Variants in CRAMP1 observed in about 807,000 individuals in gnomAD.
CRAMP1 encodes the protein protein cramped-like.
Under a neutral mutation model 115.4 loss-of-function variants are expected in CRAMP1, and 50 were observed. The ratio of observed to expected loss-of-function variants is 0.43; its 90% CI spans 0.35 to 0.55. The LOEUF (loss-of-function observed/expected upper bound fraction) is 0.55, where lower values mean the gene tolerates loss of function less well. Among genes scored for constraint, CRAMP1 ranks in the 20% least tolerant of loss-of-function variants. The probability of loss-of-function intolerance (pLI) is 0.01; values close to 1 mark genes in which losing one functional copy is unlikely to be tolerated. For missense variants in CRAMP1, 1,679 were observed against 1,721.7 expected, an observed-to-expected ratio of 0.98 and a Z score of 0.44; for synonymous variants, 866 against 745.4, an observed-to-expected ratio of 1.16 and a Z score of -2.64.
Position 1,656,074 on chromosome 16 carries a change from C to T in CRAMP1, c.1317C>T (p.Ala439=), listed in dbSNP as rs768441130. ...GGTGCAAGCAGAGTGCCAAGGACGC[C>T]CACGTGCTGCCCCCAGCCCAGATCC... ...GGRCKQSAKD[A]HVLPPAQILG... Residue 439 remains alanine (A), a synonymous_variant, in exon 10 of 21, where the codon GCC becomes GCT. Transcript: ENST00000397412. This position sits in a 1 kb window ranked among gnomAD's most constrained non-coding sequence, Gnocchi z 5.6. 1.2e-6 allele frequency: 2 copies of T among 1,610,258 alleles called. No individual in the cohort carries two copies. The highest frequency in any genetic ancestry group is 1.7e-6 in the Non-Finnish European group (2 of 1,178,950).
chr16:1,667,837 G>T, intron 17 of CRAMP1, 125 bp from the exon 18 acceptor site: 1 of 635,812 alleles, frequency 1.6e-6, no homozygotes. Flanking sequence ...GGAAGGATGA[G>T]GTGACTGCAG....
chr16:1,673,151 C>T (rs1158770174), intron 20 of CRAMP1, among the ~76,000 whole-genome samples: 2 of 151,732 alleles, frequency 1.3e-5, no homozygotes, highest in African/African-American at 4.9e-5. Context: ...CCCAGCTGTC[C>T]TCATGTCTAT....
chr16:1,649,058 A>T (rs1021118672), intron 6 of CRAMP1, among the ~76,000 whole-genome samples: 1 of 109,982 alleles, frequency 9.1e-6, no homozygotes. Flanking sequence ...GACTCCATCT[A>T]AAAAAAAAAA....
Position 1,614,513 on chromosome 16 carries a change from G to A in CRAMP1, c.-1-126G>A. The A allele has an allele frequency of 2.4e-6, 1 of 419,396 alleles. No homozygotes were observed. The highest frequency in any genetic ancestry group is 3.5e-6 in the Non-Finnish European group (1 of 289,198). 26.0% of individuals were successfully genotyped at this position (419,396 alleles called of 1,614,324 possible). ...GGCGGGCTCGGGCGGGCTCGGGCGG[G>A]CCGGGCCGAGCCGCCGAGAGGGGAT... On this transcript the variant is annotated intron_variant, in intron 1 of 20. Transcript: ENST00000397412. This position sits in a 1 kb window ranked among gnomAD's most constrained non-coding sequence, Gnocchi z 4.4.
chr16:1,656,699 G>A lies in CRAMP1; in HGVS notation c.1942G>A (p.Gly648Arg), dbSNP rs1297777209. The A allele has an allele frequency of 5.1e-6, 8 of 1,558,592 alleles. No individual in the cohort carries two copies. The highest frequency in any genetic ancestry group is 6.1e-6 in the Non-Finnish European group (7 of 1,152,296). ...GCTCCAGGAGAAGGGGAGCCCCGCG[G>A]GGCCTCCGCCGTCTCAGGGACAGCC... ...EELQEKGSPAGPPPSQGQPAA... is the reference protein window; with the variant it reads ...EELQEKGSPARPPPSQGQPAA... The change falls in exon 10 of 21, where the codon GGG becomes AGG. Residue 648 changes from glycine (G) to arginine (R), a missense_variant. Gly to Arg is a moderately radical substitution (Grantham distance 125). Around this residue, in one of 8 missense-constraint regions of CRAMP1, gnomAD observed 405 missense variants for 302.6 expected, o/e 1.34. Transcript: ENST00000397412. The surrounding 1 kb of genome is among the most constrained non-coding windows in gnomAD (Gnocchi z 5.6).
intron 6 of CRAMP1, among the ~76,000 whole-genome samples, chr16:1,644,174 A>G (rs772089249): frequency 1.3e-5 from 2 of 152,156 alleles, no homozygotes; most frequent in Non-Finnish European, 2.9e-5. Flanking sequence ...AGCCTGCGCT[A>G]AGGGACTTGG....
At position 1,666,170 on chromosome 16, in the gene CRAMP1, C is replaced by T. The variant is rs1407236917; in HGVS notation, c.2850C>T (p.His950=). 6.2e-7 allele frequency: 1 copy of T among 1,602,780 alleles called. No homozygotes were observed. The highest frequency in any genetic ancestry group is 8.5e-7 in the Non-Finnish European group (1 of 1,173,944). Residue 950 remains histidine, a synonymous_variant, in exon 15 of 21, where the codon CAC becomes CAT. Transcript: ENST00000397412. This position sits in a 1 kb window ranked among gnomAD's most constrained non-coding sequence, Gnocchi z 5.0. ...TCCTTCCACCCCAGGCCACGAGTCA[C>T]CTGGCCAGTAAGTCTGTACCTGCAT... ...PKVLPPQATS[H]LASAIDLAAT... is the part of the protein sequence containing the mutation.
At chr16:1,649,966 G>C (rs1398169608) in intron 6 of CRAMP1, among the ~76,000 whole-genome samples, 2 of 151,558 alleles carry the variant, frequency 1.3e-5, no homozygotes, top group African/African-American at 4.9e-5. Flanking sequence ...GCTAATTTTT[G>C]TATTTTTTGT....
At chr16:1,633,118 G>A (rs534896709) in intron 4 of CRAMP1, among the ~76,000 whole-genome samples, 49 of 152,180 alleles carry the variant, frequency 3.2e-4, no homozygotes, top group Non-Finnish European at 5.4e-4. Flanking sequence ...TCTGACCCAG[G>A]GTACCTGGAC....
intron 2 of CRAMP1, among the ~76,000 whole-genome samples, chr16:1,616,818 C>T (rs1298451321): frequency 1.4e-5 from 2 of 144,898 alleles, no homozygotes; most frequent in Non-Finnish European, 3.0e-5. Flanking sequence ...GCAAATATAT[C>T]TTTTTTTTTT....
intron 6 of CRAMP1, among the ~76,000 whole-genome samples, chr16:1,643,742 C>T (rs1341118021): frequency 3.9e-5 from 6 of 152,238 alleles, no homozygotes; most frequent in Non-Finnish European, 7.3e-5. Flanking sequence ...CATTTACAGT[C>T]ATGCCATCTG....
chr16:1,642,175 C>G (rs1481118599), intron 6 of CRAMP1, among the ~76,000 whole-genome samples: 1 of 152,232 alleles, frequency 6.6e-6, no homozygotes, highest in African/African-American at 2.4e-5. Context: ...CACTCCTGAA[C>G]AGTCCTTACC....
chr16:1,641,046 T>G, intron 5 of CRAMP1, 93 bp from the exon 6 acceptor site: 5 of 822,032 alleles, frequency 6.1e-6, no homozygotes, highest in Non-Finnish European at 1.0e-5. Context: ...TAATGGGATT[T>G]GAGTCTATAT....
Position 1,656,773 on chromosome 16 carries a change from G to T in CRAMP1, c.2016G>T (p.Gln672His). The T allele has an allele frequency of 6.5e-7, 1 of 1,547,372 alleles. No individual in the cohort carries two copies. The highest frequency in any genetic ancestry group is 8.7e-7 in the Non-Finnish European group (1 of 1,144,652). ...TCCCCGCCAGCCGGCTGGCTCAGCA[G>T]CTCCGTGAGGAGGGCTGGAACCTGC... ...KEVPASRLAQQLREEGWNLQT... is the reference protein window; with the variant it reads ...KEVPASRLAQHLREEGWNLQT... The change falls in exon 10 of 21, where the codon CAG becomes CAT. Residue 672 changes from glutamine (Q) to histidine (H), a missense_variant. Around this residue, in one of 8 missense-constraint regions of CRAMP1, gnomAD observed 405 missense variants for 302.6 expected, o/e 1.34. Transcript: ENST00000397412. The surrounding 1 kb of genome is among the most constrained non-coding windows in gnomAD (Gnocchi z 5.6).
intron 2 of CRAMP1, among the ~76,000 whole-genome samples, chr16:1,617,727 C>T (rs908349830): frequency 6.6e-6 from 1 of 152,154 alleles, no homozygotes; most frequent in African/African-American, 2.4e-5. Context: ...GCTTGTTTGG[C>T]TTTTCTGCAT....
chr16:1,664,572 A>C (rs1459072022), intron 13 of CRAMP1, among the ~76,000 whole-genome samples: 1 of 152,184 alleles, frequency 6.6e-6, no homozygotes, highest in Non-Finnish European at 1.5e-5. Context: ...TGAGGTCAGG[A>C]GTTCAAGACC....
At chr16:1,655,615 C>A (rs1325143033) in intron 9 of CRAMP1, among the ~76,000 whole-genome samples, 1 of 152,234 alleles carries the variant, frequency 6.6e-6, no homozygotes, top group Non-Finnish European at 1.5e-5. Flanking sequence ...GTCAGCCCAG[C>A]CTTCTTCACA....
rs373808650 is a variant in CRAMP1, at chr16:1,666,545, C to T, written c.2981C>T (p.Ser994Leu). The T allele has an allele frequency of 4.7e-5, 76 of 1,613,978 alleles. No individual in the cohort carries two copies. The Middle Eastern group carries it at 4.9e-4, about 11-fold the overall frequency. ...TCAGACGAGGTGACGGGTGCCATCTCGGGGCAGGACTCTACTGGAACTCAC... is the reference window on the plus strand; with the variant it reads ...TCAGACGAGGTGACGGGTGCCATCTTGGGGCAGGACTCTACTGGAACTCAC... The part of the protein sequence containing the change: ...LSSDEVTGAI[S>L]GQDSTGTHQD... The change falls in exon 16 of 21, where the codon TCG becomes TTG. Residue 994 changes from serine to leucine, a missense_variant. This residue lies in a region of CRAMP1 where 709 missense variants were observed against 741.9 expected (regional missense o/e 0.96). Coordinates refer to ENST00000397412, the MANE Select transcript of CRAMP1 (RefSeq NM_020825.4). The surrounding 1 kb of genome is among the most constrained non-coding windows in gnomAD (Gnocchi z 5.0).
At chr16:1,667,648 G>A (rs2036887460) in intron 17 of CRAMP1, among the ~76,000 whole-genome samples, 1 of 145,888 alleles carries the variant, frequency 6.9e-6, no homozygotes, top group Non-Finnish European at 1.5e-5. Flanking sequence ...GAAGAACTTA[G>A]CGCTCTGGAA....
Sources: allele counts gnomAD v4.1 joint callset (sites outside exome capture counted in the v4.1 genomes callset), GRCh38; gene constraint gnomAD v4.1.1; regional missense constraint gnomAD v4.1.1; non-coding constraint Gnocchi (gnomAD v3.1); transcripts MANE v1.5; gene names NCBI Gene and HGNC (gene_info 2026-07-23, HGNC 2026-07-21).